FOXP1: variants seen among roughly 807,000 people sequenced by gnomAD.
The protein encoded by FOXP1 is forkhead box protein P1.
A neutral mutation model predicts 98.2 loss-of-function variants in FOXP1; 15 were observed. The ratio of observed to expected loss-of-function variants is 0.15; its 90% CI spans 0.10 to 0.24. The LOEUF (loss-of-function observed/expected upper bound fraction) is 0.24, where lower values mean the gene tolerates loss of function less well. FOXP1 is among the 10% of genes least tolerant of loss of function. The pLI is 1.00. For missense variants in FOXP1, 633 were observed against 848.5 expected (o/e 0.75, Z 3.15); for synonymous variants, 371 against 314.5 (o/e 1.18, Z -1.90).
rs72957332 is a variant in FOXP1 at position 71,343,722 on chromosome 3, C to A, written c.-73+15428G>T. ...CACCTGACTAATTTTTGTAGAGATG[C>A]GATTTCACAAAGCCTAGACTGCTCT... On this transcript the variant is annotated intron_variant, in intron 4 of 20. Transcript: ENST00000649528. Among the ~76,000 whole-genome samples the A allele has an allele frequency of 5.0e-3, 761 of 151,894 alleles. 8 individuals are homozygous for A. The highest frequency in any genetic ancestry group is 0.018 in the African/African-American group (733 of 41,458).
chr3:71,516,632 G>A (rs1353139979), intron 2 of FOXP1, among the ~76,000 whole-genome samples: 1 of 152,102 alleles, frequency 6.6e-6, no homozygotes, highest in Non-Finnish European at 1.5e-5. Context: ...GATCTCCTGA[G>A]GTCAGGAGTT....
At chr3:71,582,135 T>A in intron 1 of FOXP1, 1 of 983,670 alleles carries the variant, frequency 1.0e-6, no homozygotes, top group Non-Finnish European at 1.2e-6. Context: ...CATGCGACTT[T>A]GTTTCCGGGA....
At chr3:71,084,410 G>A (rs2054796650) in intron 7 of FOXP1, among the ~76,000 whole-genome samples, 1 of 151,620 alleles carries the variant, frequency 6.6e-6, no homozygotes, top group Admixed American at 6.6e-5. Context: ...CCTCACCCAT[G>A]GGTTTGTTTC....
At chr3:71,114,479 C>T (rs765771248) in intron 6 of FOXP1, among the ~76,000 whole-genome samples, 1 of 152,118 alleles carries the variant, frequency 6.6e-6, no homozygotes, top group Non-Finnish European at 1.5e-5. Flanking sequence ...TAAGACACTG[C>T]GTAAGGTTGA....
At chr3:71,101,506 G>A (rs1339158079) in intron 7 of FOXP1, among the ~76,000 whole-genome samples, 1 of 151,838 alleles carries the variant, frequency 6.6e-6, no homozygotes, top group African/African-American at 2.4e-5. Context: ...TTAAATGATG[G>A]CATTTTCCAA....
chr3:71,155,127 C>T (rs1304996201), intron 6 of FOXP1, among the ~76,000 whole-genome samples: 1 of 152,074 alleles, frequency 6.6e-6, no homozygotes, highest in African/African-American at 2.4e-5. Context: ...GAGATTGAAA[C>T]TCAGGTTTGT....
chr3:71,053,628 A>G lies in FOXP1; in HGVS notation c.420+8T>C. ...GAGACAGGCTGGAGGTGGAGGAAGG[A>G]CAATTACCTGTTGAAGCATGAGGGC... On this transcript the variant is annotated splice_region_variant and intron_variant, in intron 8 of 20. Transcript: ENST00000649528. 1 of 1,613,984 alleles carries G rather than the reference A, an allele frequency of 6.2e-7. No individual in the cohort carries two copies. The highest frequency in any genetic ancestry group is 8.5e-7 in the Non-Finnish European group (1 of 1,179,938).
At chr3:71,117,101 T>TC (rs398106008) in intron 6 of FOXP1, among the ~76,000 whole-genome samples, 1 of 152,018 alleles carries the variant, frequency 6.6e-6, no homozygotes, top group East Asian at 1.9e-4. Context: ...TTTTTTTTTT[T>TC]CTTTGAGACA....
At chr3:71,340,621 T>C (rs1471676467) in intron 4 of FOXP1, among the ~76,000 whole-genome samples, 16 of 152,216 alleles carry the variant, frequency 1.1e-4, no homozygotes, top group Admixed American at 6.5e-5. Flanking sequence ...AAGTGAATAG[T>C]GGAGACGAAA....
intron 3 of FOXP1, among the ~76,000 whole-genome samples, chr3:71,444,477 T>A (rs976127086): frequency 3.3e-5 from 5 of 151,422 alleles, no homozygotes; most frequent in African/African-American, 1.2e-4. Context: ...TGTAAATAAA[T>A]ACTCTCTCCT....
chr3:71,455,238 G>A (rs570201239), intron 3 of FOXP1, among the ~76,000 whole-genome samples: 8 of 151,890 alleles, frequency 5.3e-5, no homozygotes, highest in African/African-American at 1.2e-4. Context: ...CATCCCCCCC[G>A]CCGTCTGAAA....
At chr3:70,970,910 T>C (rs2036090415) in intron 18 of FOXP1, 105 bp from the exon 19 acceptor site, 1 of 857,478 alleles carries the variant, frequency 1.2e-6, no homozygotes, top group Admixed American at 1.8e-5. Flanking sequence ...ATGAGCAATT[T>C]CCCCCACTAG....
intron 20 of FOXP1, among the ~76,000 whole-genome samples, chr3:70,962,227 C>T (rs2033712551): frequency 6.6e-6 from 1 of 152,136 alleles, no homozygotes; most frequent in African/African-American, 2.4e-5. Flanking sequence ...TGACATATGT[C>T]AGTTTCTGAA....
intron 3 of FOXP1, among the ~76,000 whole-genome samples, chr3:71,392,422 T>C (rs375462344): frequency 6.6e-6 from 1 of 152,176 alleles, no homozygotes; most frequent in African/African-American, 2.4e-5. Flanking sequence ...TGGATATATG[T>C]GATATATTAC....
intron 4 of FOXP1, among the ~76,000 whole-genome samples, chr3:71,325,682 T>C (rs1365559366): frequency 6.7e-6 from 1 of 150,234 alleles, no homozygotes; most frequent in Admixed American, 6.6e-5. Context: ...ATTATTATTA[T>C]CACTATTTTA....
chr3:71,305,376 G>A (rs1375739326), intron 4 of FOXP1, among the ~76,000 whole-genome samples: 2 of 152,164 alleles, frequency 1.3e-5, no homozygotes, highest in African/African-American at 2.4e-5. Context: ...CCGCCTCTCT[G>A]AGCATCATGG....
chr3:71,018,111 C>T (rs2044787969), intron 11 of FOXP1, among the ~76,000 whole-genome samples: 1 of 152,152 alleles, frequency 6.6e-6, no homozygotes, highest in Non-Finnish European at 1.5e-5. Flanking sequence ...CATTCACTAG[C>T]AGGGTTTTGG....
At chr3:71,356,016 G>T (rs1010820453) in intron 4 of FOXP1, among the ~76,000 whole-genome samples, 12 of 152,108 alleles carry the variant, frequency 7.9e-5, no homozygotes, top group African/African-American at 2.4e-4. Flanking sequence ...TTCCCAAGAG[G>T]ATCTGTGGGG....
At chr3:71,341,631 G>A (rs1258318584) in intron 4 of FOXP1, among the ~76,000 whole-genome samples, 9 of 152,148 alleles carry the variant, frequency 5.9e-5, no homozygotes, top group South Asian at 4.1e-4. Flanking sequence ...CCCAGTAGGC[G>A]GAGGTTGCTG....
Sources: gnomAD v4.1 joint callset for allele counts (sites outside exome capture counted in the v4.1 genomes callset) on GRCh38, gnomAD v4.1.1 for gene constraint, MANE v1.5 for transcripts, NCBI Gene and HGNC (gene_info 2026-07-23, HGNC 2026-07-21) for gene names.